RAB28: variants seen among roughly 807,000 people sequenced by gnomAD.
RAB28 encodes the protein ras-related protein Rab-28.
RAB28 carries 24 observed loss-of-function variants against 31.7 expected under a neutral mutation model. The observed-to-expected ratio is 0.76, with a 90% CI of 0.55 to 1.06. The LOEUF is 1.06. Ranked by LOEUF, RAB28 falls within the 50% of genes least tolerant of loss-of-function variation. The pLI is 0.00. For synonymous variants in RAB28, 100 were observed against 90.4 expected, an observed-to-expected ratio of 1.11 and a Z score of -0.60; for missense variants, 254 against 258.5, an observed-to-expected ratio of 0.98 and a Z score of 0.12.
At chr4:13,456,074 C>T (rs1715284380) in intron 4 of RAB28, among the ~76,000 whole-genome samples, 1 of 152,138 alleles carries the variant, frequency 6.6e-6, no homozygotes, top group African/African-American at 2.4e-5. Flanking sequence ...TGGCAGGTTC[C>T]CATCACTCCT....
intron 4 of RAB28, among the ~76,000 whole-genome samples, chr4:13,437,468 C>T (rs987957462): frequency 3.3e-5 from 5 of 151,694 alleles, no homozygotes; most frequent in Non-Finnish European, 7.4e-5. Flanking sequence ...CTATGCATTG[C>T]CAAAGAACTA....
At chr4:13,405,598 T>C (rs941207422) in intron 4 of RAB28, among the ~76,000 whole-genome samples, 1 of 152,110 alleles carries the variant, frequency 6.6e-6, no homozygotes, top group African/African-American at 2.4e-5. Context: ...AGAAATACAA[T>C]CAGCATTTAT....
In RAB28 at chr4:13,414,731, A is replaced by G. The variant is rs1371790865; in HGVS notation, c.392-33137T>C. ...TATCTAGCAGTATATAAAAGAAAAT[A>G]TGCTGTGACAAAAAAAGTTTAATTT... On this transcript the variant is annotated intron_variant, in intron 4 of 6. Transcript: ENST00000330852. Among the ~76,000 whole-genome samples the G allele has an allele frequency of 3.9e-5, 6 of 152,184 alleles. No individual in the cohort carries two copies. The East Asian group carries it at 1.2e-3, about 29-fold the overall frequency.
chr4:13,440,339 G>C (rs768604144), intron 4 of RAB28, among the ~76,000 whole-genome samples: 2 of 151,364 alleles, frequency 1.3e-5, no homozygotes, highest in Non-Finnish European at 1.5e-5. Flanking sequence ...AGAAGTATGA[G>C]GATAGAAAAA....
chr4:13,395,482 T>C lies in RAB28; in HGVS notation c.392-13888A>G, dbSNP rs562656151. On this transcript the variant is annotated intron_variant, in intron 4 of 6. Coordinates refer to ENST00000330852, the MANE Select transcript of RAB28 (RefSeq NM_001017979.3). ...ATTCACATGTGGTTAAAATTATATA[T>C]ACACTTTGACTTCTAAAACACACAC... Among the ~76,000 whole-genome samples the C allele has an allele frequency of 1.6e-4, 24 of 152,188 alleles. No individual in the cohort carries two copies. The South Asian group carries it at 5.0e-3, about 32-fold the overall frequency.
At chr4:13,461,247 T>C (rs184165633) in intron 3 of RAB28, among the ~76,000 whole-genome samples, 430 of 152,342 alleles carry the variant, frequency 2.8e-3, no homozygotes, top group Non-Finnish European at 4.2e-3. Context: ...TTTTTAAATA[T>C]TTTCAAAAAC....
chr4:13,401,044 G>C (rs1016099721), intron 4 of RAB28, among the ~76,000 whole-genome samples: 2 of 152,116 alleles, frequency 1.3e-5, no homozygotes, highest in South Asian at 2.1e-4. Flanking sequence ...GTCTTTATCT[G>C]ATTTTAATAG....
intron 6 of RAB28, among the ~76,000 whole-genome samples, chr4:13,373,546 CT>C (rs1392081191): frequency 6.6e-6 from 1 of 152,158 alleles, no homozygotes; most frequent in Non-Finnish European, 1.5e-5. Flanking sequence ...GTGTGGCCCC[CT>C]GGCATTACAC....
chr4:13,387,837 CCAGA>C (rs1729444596), intron 4 of RAB28, among the ~76,000 whole-genome samples: 1 of 151,990 alleles, frequency 6.6e-6, no homozygotes, highest in Admixed American at 6.6e-5. Context: ...TTTTTGAATG[CCAGA>C]CAAAGTATAT....
intron 3 of RAB28, chr4:13,474,101 C>T (rs1400105663): frequency 2.9e-6 from 2 of 696,914 alleles, no homozygotes; most frequent in Non-Finnish European, 5.3e-6. Flanking sequence ...CATACGAAAG[C>T]TGTTCAGAGT....
chr4:13,467,399 A>C (rs1448673017), intron 3 of RAB28, among the ~76,000 whole-genome samples: 2 of 151,938 alleles, frequency 1.3e-5, no homozygotes, highest in African/African-American at 4.8e-5. Flanking sequence ...AGATAACATA[A>C]TATCAATTAT....
chr4:13,482,981 G>T (rs1483571908), intron 1 of RAB28, among the ~76,000 whole-genome samples: 1 of 152,142 alleles, frequency 6.6e-6, no homozygotes, highest in Non-Finnish European at 1.5e-5. Context: ...GCCTTAAACA[G>T]GAAATAAAAG....
chr4:13,463,780 C>T (rs1715711175), intron 3 of RAB28, among the ~76,000 whole-genome samples: 1 of 151,910 alleles, frequency 6.6e-6, no homozygotes, highest in South Asian at 2.1e-4. Flanking sequence ...TTGTTCTTGC[C>T]ATCATAATTA....
chr4:13,447,472 A>AAG (rs754227606), intron 4 of RAB28, among the ~76,000 whole-genome samples: 2 of 151,896 alleles, frequency 1.3e-5, no homozygotes, highest in African/African-American at 2.4e-5. Flanking sequence ...TTATAAAAAA[A>AAG]AGAGAGAGAG....
chr4:13,416,247 C>A (rs1042547660), intron 4 of RAB28, among the ~76,000 whole-genome samples: 1 of 152,158 alleles, frequency 6.6e-6, no homozygotes, highest in Non-Finnish European at 1.5e-5. Flanking sequence ...TGCTGCTGCT[C>A]ACTCTTTTGG....
rs115072325 is a variant in RAB28, at chr4:13,453,063, T to A, written c.391+7636A>T. On this transcript the variant is annotated intron_variant, in intron 4 of 6. Transcript: ENST00000330852. ...TTTGTACAGATTTTGACTTGAAGTC[T>A]GTTTTGTCTGATTTATGTATAGCTA... Among the ~76,000 whole-genome samples the A allele has an allele frequency of 3.3e-3, 504 of 152,292 alleles. 3 individuals are homozygous for A. Among genetic ancestry groups the A allele is most frequent in the African/African-American group, 0.012 (479 of 41,582 alleles).
intron 1 of RAB28, among the ~76,000 whole-genome samples, chr4:13,482,155 A>G (rs1046502654): frequency 5.9e-5 from 9 of 152,200 alleles, no homozygotes; most frequent in Admixed American, 3.9e-4. Flanking sequence ...CAGAATGATA[A>G]TACTAATTCA....
chr4:13,472,849 A>AT (rs1716182064), intron 3 of RAB28, among the ~76,000 whole-genome samples: 2 of 151,826 alleles, frequency 1.3e-5, no homozygotes, highest in African/African-American at 4.8e-5. Flanking sequence ...AAATAAATAA[A>AT]ACAAAAAAGC....
rs140577302 is a variant in RAB28, at chr4:13,416,654, G to C, written c.392-35060C>G. ...AATTAAGAATGGGGGTGGGGATGAA[G>C]ACTGAATGCAAACTTTCTGAAGTAA... On this transcript the variant is annotated intron_variant, in intron 4 of 6. Coordinates refer to ENST00000330852, the MANE Select transcript of RAB28 (RefSeq NM_001017979.3). Among the ~76,000 whole-genome samples, 506 of 152,294 alleles carry C rather than the reference G, an allele frequency of 3.3e-3. 3 individuals are homozygous for C. Among genetic ancestry groups the C allele is most frequent in the African/African-American group, 0.012 (481 of 41,560 alleles).
Sources: gnomAD v4.1 joint callset for allele counts (sites outside exome capture counted in the v4.1 genomes callset) on GRCh38, gnomAD v4.1.1 for gene constraint, MANE v1.5 for transcripts, NCBI Gene and HGNC (gene_info 2026-07-23, HGNC 2026-07-21) for gene names.